The following SERP1 variants were observed in gnomAD, a reference collection of about 807,000 sequenced individuals.
The protein encoded by SERP1 is stress-associated endoplasmic reticulum protein 1.
In SERP1, 6 loss-of-function variants were observed where a neutral mutation model predicts 8.8. The ratio of observed to expected loss-of-function variants is 0.68; its 90% confidence interval spans 0.37 to 1.35. The LOEUF is 1.35. Ranked by LOEUF, SERP1 falls within the 40% of genes most tolerant of loss-of-function variation. The pLI is 0.02. For synonymous variants in SERP1, 36 were observed against 28.7 expected (o/e 1.25, Z -0.81); for missense variants, 52 against 86.2 (o/e 0.60, Z 1.57).
Position 150,545,872 on chromosome 3 carries a change from C to T in SERP1, c.85-94G>A. 8.6e-6 allele frequency: 12 copies of T among 1,395,956 alleles called. No homozygotes were observed. In the South Asian group the frequency reaches 1.6e-4, roughly 18 times the overall value. 86.5% of individuals were successfully genotyped at this position (1,395,956 alleles called of 1,614,324 possible). On this transcript the variant is annotated intron_variant, in intron 1 of 2. Transcript: ENST00000239944. Reference sequence around the variant, plus strand: ...ACGCCGGTCGCCGGCCCCCTCACCTCACAGGTCTCCCCTTCCGTTCCCGAG... The same window carrying T: ...ACGCCGGTCGCCGGCCCCCTCACCTTACAGGTCTCCCCTTCCGTTCCCGAG...
Position 150,546,435 on chromosome 3 carries a change from G to C in SERP1, c.-300C>G. The C allele has an allele frequency of 1.8e-6, 1 of 555,050 alleles. No homozygotes were observed. Among genetic ancestry groups the C allele is most frequent in the Non-Finnish European group, 3.1e-6 (1 of 317,670 alleles). The allele number at this position is 555,050 out of a possible 1,614,324, so 34.4% of individuals were successfully genotyped here. ...CCGCTTTGGCCGCCGCCGTGAGCGC[G>C]GAGTGAAAGAGGAAGGAAACGCAAC... On this transcript the variant is annotated 5_prime_UTR_variant, in exon 1 of 3. Coordinates refer to ENST00000239944, the MANE Select transcript of SERP1 (RefSeq NM_014445.4).
chr3:150,545,943 C>T, intron 1 of SERP1, 109 bp downstream of exon 1: 1 of 1,462,412 alleles, frequency 6.8e-7, no homozygotes, highest in Non-Finnish European at 9.4e-7. Context: ...TACCCCTCCA[C>T]GGCACCAGCC....
chr3:150,544,164 C>T lies in SERP1; in HGVS notation c.*294G>A, dbSNP rs528649174. ...CTAATTGTTCATACTGTTTTAATAACCACATAAAAAAACTTACTCTTAATT... is the reference window on the plus strand; with the variant it reads ...CTAATTGTTCATACTGTTTTAATAATCACATAAAAAAACTTACTCTTAATT... On this transcript the variant is annotated 3_prime_UTR_variant, in exon 3 of 3. Transcript: ENST00000239944. 188 of 337,140 alleles carry T rather than the reference C, an allele frequency of 5.6e-4. No individual in the cohort carries two copies. In the South Asian group the frequency reaches 0.015, roughly 27 times the overall value. The allele number at this position is 337,140 out of a possible 1,614,324, so 20.9% of individuals were successfully genotyped here. A position where few individuals can be genotyped will look rare whatever the true frequency, so the allele number is the denominator to read the frequency against.
Position 150,546,187 on chromosome 3 carries a change from C to T in SERP1, c.-52G>A, listed in dbSNP as rs1057365387. The T allele has an allele frequency of 1.3e-6, 2 of 1,589,700 alleles. No individual in the cohort carries two copies. The highest frequency in any genetic ancestry group is 4.5e-5 in the East Asian group (2 of 44,730). On this transcript the variant is annotated 5_prime_UTR_variant, in exon 1 of 3. Transcript: ENST00000239944. ...CCACCCCTCGGACTCGCTCACTCGC[C>T]TGCCTCCTCTGGAGCCGCTGCGAGG...
In SERP1 at chr3:150,543,945, G is replaced by A. The variant is rs1467008642; in HGVS notation, c.*513C>T. ...CTAAAGGTTGTGGCAAAACTAGGCT[G>A]TGTAGTTGTTCCATTTATAAGCACC... On this transcript the variant is annotated 3_prime_UTR_variant, in exon 3 of 3. Transcript: ENST00000239944. 2.0e-5 allele frequency: 3 copies of A among 152,364 alleles called. No individual in the cohort carries two copies. Among genetic ancestry groups the A allele is most frequent in the African/African-American group, 7.3e-5 (3 of 41,226 alleles). 9.4% of individuals were successfully genotyped at this position (152,364 alleles called of 1,614,324 possible).
Sources: allele counts gnomAD v4.1 joint callset, GRCh38; gene constraint gnomAD v4.1.1; transcripts MANE v1.5; gene names NCBI Gene and HGNC (gene_info 2026-07-23, HGNC 2026-07-21).